Variants in THSD7B observed in about 807,000 individuals in gnomAD.
THSD7B encodes thrombospondin type-1 domain-containing protein 7B.
In THSD7B, 138 loss-of-function variants were observed where a neutral mutation model predicts 213.6. The ratio of observed to expected loss-of-function variants is 0.65; its 90% CI spans 0.56 to 0.74. The LOEUF (loss-of-function observed/expected upper bound fraction) is 0.74, where lower values mean the gene tolerates loss of function less well. THSD7B is among the 30% of genes least tolerant of loss of function. The pLI is 0.00. For missense variants in THSD7B, 1,931 were observed against 1,991.5 expected (o/e 0.97, Z 0.58); for synonymous variants, 742 against 687.0 (o/e 1.08, Z -1.25).
chr2:136,992,223 C>G (rs1685800248), intron 2 of THSD7B, among the ~76,000 whole-genome samples: 1 of 152,152 alleles, frequency 6.6e-6, no homozygotes, highest in African/African-American at 2.4e-5. Context: ...CTGAAGTTAC[C>G]AAGACCTTAA....
intron 1 of THSD7B, among the ~76,000 whole-genome samples, chr2:136,780,466 C>T (rs561777104): frequency 1.3e-5 from 2 of 152,118 alleles, no homozygotes; most frequent in Admixed American, 6.5e-5. Flanking sequence ...GCTCTGTGTG[C>T]GTGTGCATGT....
Position 137,233,039 on chromosome 2 carries a change from A to G in THSD7B, c.2056A>G (p.Ile686Val), listed in dbSNP as rs747125780. ...DTLVTALNAT[I>V]GWNGEATCGV... ...ATTGGTAACTGCCCTTAATGCAACC[A>G]TTGGCTGGAATGGAGAAGCCACGTG... Residue 686 changes from isoleucine to valine, a missense_variant, in exon 9 of 28, where the codon ATT becomes GTT. By Grantham distance (29) the Ile-to-Val change is conservative (BLOSUM62 3). Coordinates refer to ENST00000409968, the MANE Select transcript of THSD7B (RefSeq NM_001316349.2). The G allele has an allele frequency of 1.9e-5, 30 of 1,613,806 alleles. No homozygotes were observed. In the Admixed American group the frequency reaches 3.2e-4, roughly 17 times the overall value.
intron 12 of THSD7B, among the ~76,000 whole-genome samples, chr2:137,352,837 T>C (rs1010915837): frequency 6.6e-6 from 1 of 152,054 alleles, no homozygotes; most frequent in Admixed American, 6.6e-5. Context: ...ACTTCTATCT[T>C]TAAAATAAAT....
chr2:136,912,321 C>CA (rs1159184476), intron 2 of THSD7B, among the ~76,000 whole-genome samples: 2,606 of 55,780 alleles, frequency 0.047, 446 homozygotes, highest in African/African-American at 0.076. Flanking sequence ...GACTCCATCT[C>CA]AAAAAAAAAA....
chr2:137,457,015 G>T (rs1573636641), intron 15 of THSD7B, among the ~76,000 whole-genome samples: 1 of 152,170 alleles, frequency 6.6e-6, no homozygotes, highest in Non-Finnish European at 1.5e-5. Context: ...ATGGAGCTTA[G>T]AGGAGAGGCA....
intron 17 of THSD7B, among the ~76,000 whole-genome samples, chr2:137,592,821 C>T (rs62168019): frequency 6.6e-6 from 1 of 151,918 alleles, no homozygotes; most frequent in African/African-American, 2.4e-5. Flanking sequence ...TAAGCCAAAT[C>T]TAGTACACTA....
intron 17 of THSD7B, among the ~76,000 whole-genome samples, chr2:137,579,932 T>A (rs1433023882): frequency 5.9e-5 from 9 of 152,148 alleles, no homozygotes; most frequent in Non-Finnish European, 1.2e-4. Flanking sequence ...TATATACTCT[T>A]CCATATTTAA....
chr2:136,932,826 G>C (rs1054103837), intron 2 of THSD7B, among the ~76,000 whole-genome samples: 2 of 152,114 alleles, frequency 1.3e-5, no homozygotes, highest in South Asian at 4.1e-4. Context: ...TGTTCAGTGT[G>C]AATTTGTAGA....
intron 9 of THSD7B, among the ~76,000 whole-genome samples, chr2:137,238,104 G>T (rs957123155): frequency 1.3e-5 from 2 of 152,082 alleles, no homozygotes; most frequent in African/African-American, 2.4e-5. Context: ...GCCAGGAAAG[G>T]GTCAATAAAA....
At chr2:137,422,571 T>A (rs1558792303) in intron 14 of THSD7B, among the ~76,000 whole-genome samples, 4 of 152,042 alleles carry the variant, frequency 2.6e-5, no homozygotes, top group South Asian at 4.1e-4. Flanking sequence ...TTTATACTTT[T>A]AAAAAAATCA....
intron 4 of THSD7B, among the ~76,000 whole-genome samples, chr2:137,107,694 T>C (rs865877014): frequency 1.1e-3 from 168 of 152,174 alleles, no homozygotes; most frequent in African/African-American, 3.8e-3. Context: ...CGAGTCCCTA[T>C]TGTGCCACTT....
intron 12 of THSD7B, among the ~76,000 whole-genome samples, chr2:137,328,274 A>G (rs1409884826): frequency 6.6e-6 from 1 of 152,110 alleles, no homozygotes; most frequent in African/African-American, 2.4e-5. Flanking sequence ...AGAAACAGCA[A>G]CAACAACAAC....
At chr2:137,390,092 C>A (rs1462840506) in intron 12 of THSD7B, among the ~76,000 whole-genome samples, 2 of 152,124 alleles carry the variant, frequency 1.3e-5, no homozygotes, top group Admixed American at 1.3e-4. Context: ...AAAAAAACGA[C>A]ATTGGTATTT....
At chr2:136,838,538 C>G (rs553014535) in intron 1 of THSD7B, among the ~76,000 whole-genome samples, 8 of 152,236 alleles carry the variant, frequency 5.3e-5, no homozygotes, top group African/African-American at 1.9e-4. Context: ...TAAGGGTATG[C>G]CAGTCTTTCT....
chr2:137,447,796 A>T (rs1052190415), intron 14 of THSD7B, among the ~76,000 whole-genome samples: 1 of 152,140 alleles, frequency 6.6e-6, no homozygotes, highest in Non-Finnish European at 1.5e-5. Context: ...AAAAAAAGAA[A>T]GAAAGAAAGA....
At position 136,990,228 on chromosome 2, in the gene THSD7B, C is replaced by G. The variant is rs138334262; in HGVS notation, c.140-66192C>G. Among the ~76,000 whole-genome samples the G allele has an allele frequency of 7.2e-5, 11 of 152,344 alleles. No individual in the cohort carries two copies. The East Asian group carries it at 2.1e-3, about 29-fold the overall frequency. ...GAACTCTCATTGATTGCATTTTCCA[C>G]TAATGTCCTGCCTAGTTTATGTTCT... On this transcript the variant is annotated intron_variant, in intron 2 of 27. Transcript: ENST00000409968.
intron 2 of THSD7B, among the ~76,000 whole-genome samples, chr2:137,008,516 T>C (rs1320153087): frequency 3.3e-5 from 5 of 152,176 alleles, no homozygotes; most frequent in African/African-American, 1.2e-4. Flanking sequence ...GTTGGTATAG[T>C]ACTTTAGTTA....
chr2:136,783,078 T>A lies in THSD7B; in HGVS notation c.-36+17391T>A, dbSNP rs565270862. Among the ~76,000 whole-genome samples the A allele has an allele frequency of 2.6e-5, 4 of 152,356 alleles. No homozygotes were observed. The East Asian group carries it at 7.7e-4, about 29-fold the overall frequency. On this transcript the variant is annotated intron_variant, in intron 1 of 27. Coordinates refer to ENST00000409968, the MANE Select transcript of THSD7B (RefSeq NM_001316349.2). ...GCGTGATTTTCCATGCATGCTCATC[T>A]TCTTCATTATATTAGACACTGTGAA... is the stretch of plus-strand genomic sequence containing the variant.
At chr2:137,271,462 AATATAAT>A (rs1365396659) in intron 10 of THSD7B, among the ~76,000 whole-genome samples, 1 of 144,340 alleles carries the variant, frequency 6.9e-6, no homozygotes, top group Non-Finnish European at 1.5e-5. Flanking sequence ...TATAATATAT[AATATAAT>A]ATATAATATA....
Sources: gnomAD v4.1 joint callset for allele counts (sites outside exome capture counted in the v4.1 genomes callset) on GRCh38, gnomAD v4.1.1 for gene constraint, MANE v1.5 for transcripts, NCBI Gene and HGNC (gene_info 2026-07-23, HGNC 2026-07-21) for gene names.